HPSE2: variants seen among roughly 807,000 people sequenced by gnomAD.
HPSE2 encodes the protein inactive heparanase-2.
A neutral mutation model predicts 60.5 loss-of-function variants in HPSE2; 38 were observed. The ratio of observed to expected loss-of-function variants is 0.63; its 90% CI spans 0.48 to 0.82. The LOEUF (loss-of-function observed/expected upper bound fraction) is 0.82, where lower values mean the gene tolerates loss of function less well. HPSE2 is among the 40% of genes least tolerant of loss of function. The pLI, the probability that HPSE2 is intolerant of heterozygous loss-of-function variation, is 0.00. For missense variants in HPSE2, 713 were observed against 740.4 expected (o/e 0.96, Z 0.43); for synonymous variants, 295 against 293.2 (o/e 1.01, Z -0.06).
At chr10:99,148,787 CTCAATCAATCAATCAA>C (rs10604979) in intron 2 of HPSE2, among the ~76,000 whole-genome samples, 3 of 149,648 alleles carry the variant, frequency 2.0e-5, no homozygotes, top group East Asian at 2.0e-4. Flanking sequence ...CGAAACTCCA[CTCAATCAATCAATCAA>C]TCAATCAATC....
chr10:99,287,693 C>T, the HPSE2 span, among the ~76,000 whole-genome samples: 1 of 152,134 alleles, frequency 6.6e-6, no homozygotes, highest in Non-Finnish European at 1.5e-5. Flanking sequence ...GGAAATTTTT[C>T]CCTAGGTGGT....
At chr10:99,309,902 T>C in the HPSE2 span, among the ~76,000 whole-genome samples, 2 of 152,216 alleles carry the variant, frequency 1.3e-5, no homozygotes, top group Non-Finnish European at 2.9e-5. Flanking sequence ...TGTAACAAAT[T>C]ACCACAGCCT....
At chr10:98,490,292 C>T (rs1440011307) in intron 9 of HPSE2, 96 bp from the exon 10 acceptor site, 33 of 1,014,028 alleles carry the variant, frequency 3.3e-5, no homozygotes, top group Admixed American at 2.6e-4. Flanking sequence ...CACACACACA[C>T]GGGCCAGAAA....
chr10:99,015,560 T>C (rs1957119810), intron 3 of HPSE2, among the ~76,000 whole-genome samples: 1 of 150,848 alleles, frequency 6.6e-6, no homozygotes, highest in South Asian at 2.1e-4. Flanking sequence ...CAGCAAACTA[T>C]CACAAGGACA....
In HPSE2 at chr10:98,474,328, T is replaced by C. The variant is rs74156613; in HGVS notation, c.1613+8308A>G. Among the ~76,000 whole-genome samples the C allele has an allele frequency of 5.6e-3, 856 of 152,316 alleles. 9 individuals are homozygous for C. The highest frequency in any genetic ancestry group is 0.019 in the African/African-American group (809 of 41,562). On this transcript the variant is annotated intron_variant, in intron 11 of 11. Coordinates refer to ENST00000370552, the MANE Select transcript of HPSE2 (RefSeq NM_021828.5). ...GCTTTCAGGTATCATTAGTGAGAGATTGTGGCGGGTCAGGTGGGTGGCCAG... is the reference window on the plus strand; with the variant it reads ...GCTTTCAGGTATCATTAGTGAGAGACTGTGGCGGGTCAGGTGGGTGGCCAG...
chr10:99,255,419 A>T, the HPSE2 span, among the ~76,000 whole-genome samples: 1 of 152,232 alleles, frequency 6.6e-6, no homozygotes, highest in Admixed American at 6.5e-5. Context: ...TATTAGAAAA[A>T]AATAAAACTA....
chr10:98,952,894 ATC>A (rs747169886), intron 3 of HPSE2, among the ~76,000 whole-genome samples: 39 of 152,226 alleles, frequency 2.6e-4, no homozygotes, highest in Non-Finnish European at 4.9e-4. Context: ...ACCTCCTAAA[ATC>A]TCTGTCTCCA....
intron 5 of HPSE2, among the ~76,000 whole-genome samples, chr10:98,696,615 C>CTGT (rs1399111295): frequency 2.8e-5 from 4 of 140,712 alleles, no homozygotes; most frequent in Non-Finnish European, 6.3e-5. Flanking sequence ...CCATGGAATG[C>CTGT]GTAGATTCTC....
intron 3 of HPSE2, among the ~76,000 whole-genome samples, chr10:98,845,065 A>G (rs972610626): frequency 6.6e-6 from 1 of 152,240 alleles, no homozygotes; most frequent in East Asian, 1.9e-4. Flanking sequence ...GGCAACTCCT[A>G]AAGTTGTAAC....
At chr10:99,061,519 C>T (rs974134895) in intron 3 of HPSE2, among the ~76,000 whole-genome samples, 1 of 152,176 alleles carries the variant, frequency 6.6e-6, no homozygotes, top group Admixed American at 6.5e-5. Context: ...AATTCCAGCA[C>T]TGCCATTATT....
rs200881246 is a variant in HPSE2 at position 98,571,337 on chromosome 10, TTAC to T, written c.1320+43564_1320+43566del. ...TGGGCAACACAGTGAGATTCTATCT[TTAC>T]TACTACTACTACTACTAAAACAAAA... On this transcript the variant is annotated intron_variant, in intron 9 of 11. Transcript: ENST00000370552. 5.3e-5 allele frequency among the ~76,000 whole-genome samples: 8 copies of T among 152,048 alleles called. No individual in the cohort carries two copies. The East Asian group carries it at 1.4e-3, about 26-fold the overall frequency.
At chr10:99,074,701 A>T (rs1157413573) in intron 3 of HPSE2, among the ~76,000 whole-genome samples, 8 of 151,880 alleles carry the variant, frequency 5.3e-5, no homozygotes, top group African/African-American at 1.9e-4. Flanking sequence ...TTTTGTTGGG[A>T]GGTTTTTGAT....
intron 9 of HPSE2, among the ~76,000 whole-genome samples, chr10:98,589,975 T>C (rs887362944): frequency 3.3e-5 from 5 of 152,218 alleles, no homozygotes; most frequent in African/African-American, 1.2e-4. Context: ...TTCCCTACCT[T>C]ATCTCCCTTA....
chr10:98,546,002 A>G (rs201829036), intron 9 of HPSE2, among the ~76,000 whole-genome samples: 2 of 132,460 alleles, frequency 1.5e-5, no homozygotes, highest in African/African-American at 5.4e-5. Flanking sequence ...ATTCTTATAT[A>G]CCAATAACAG....
At chr10:99,310,913 G>A in the HPSE2 span, among the ~76,000 whole-genome samples, 7 of 152,268 alleles carry the variant, frequency 4.6e-5, no homozygotes, top group South Asian at 1.5e-3. Context: ...ACAGGCATGA[G>A]CCACCCATCA....
intron 3 of HPSE2, among the ~76,000 whole-genome samples, chr10:98,849,276 C>T (rs1952110602): frequency 6.6e-6 from 1 of 152,190 alleles, no homozygotes; most frequent in Non-Finnish European, 1.5e-5. Flanking sequence ...CAGAGAGGTA[C>T]TTCATCATGT....
At chr10:99,082,650 G>T (rs1843186411) in intron 3 of HPSE2, among the ~76,000 whole-genome samples, 2 of 152,142 alleles carry the variant, frequency 1.3e-5, no homozygotes, top group Admixed American at 1.3e-4. Context: ...GGAGAGCTGA[G>T]ATTTTATCAT....
chr10:98,866,125 A>C (rs948668976), intron 3 of HPSE2, among the ~76,000 whole-genome samples: 1 of 152,160 alleles, frequency 6.6e-6, no homozygotes, highest in Non-Finnish European at 1.5e-5. Context: ...GAATTATCAA[A>C]GAATGACATA....
intron 6 of HPSE2, among the ~76,000 whole-genome samples, chr10:98,650,318 A>G (rs1946883180): frequency 2.6e-5 from 4 of 152,220 alleles, no homozygotes; most frequent in African/African-American, 9.6e-5. Flanking sequence ...CGTTAGTGAG[A>G]AGCAAACTTC....
Sources: allele counts gnomAD v4.1 joint callset (sites outside exome capture counted in the v4.1 genomes callset), GRCh38; gene constraint gnomAD v4.1.1; transcripts MANE v1.5; gene names NCBI Gene and HGNC (gene_info 2026-07-23, HGNC 2026-07-21).